The following LRP1B variants were observed in gnomAD, a reference collection of about 807,000 sequenced individuals.
LRP1B encodes LDL receptor related protein 1B, also known as low-density lipoprotein receptor-related protein 1B.
In LRP1B, 217 loss-of-function variants were observed where a neutral mutation model predicts 556.6. The ratio of observed to expected loss-of-function variants is 0.39; its 90% confidence interval spans 0.35 to 0.44. The LOEUF (loss-of-function observed/expected upper bound fraction) is 0.44. Ranked by LOEUF, LRP1B falls within the 20% of genes least tolerant of loss-of-function variation. The pLI is 1.00. For synonymous variants in LRP1B, 2,047 were observed against 1,865.8 expected (o/e 1.10, Z -2.50); for missense variants, 5,053 against 5,620.8 (o/e 0.90, Z 3.23).
chr2:140,323,853 A>T, intron 81 of LRP1B, 40 bp downstream of exon 81: 2 of 1,015,222 alleles, frequency 2.0e-6, no homozygotes, highest in Non-Finnish European at 2.9e-6. Flanking sequence ...CAAGAAAATA[A>T]TTTACCAATA....
rs143600337 is a variant in LRP1B, at chr2:140,373,101, G to A, written c.10675C>T (p.Arg3559Trp). 174 of 1,613,012 alleles carry A rather than the reference G, an allele frequency of 1.1e-4. No individual in the cohort carries two copies. Among genetic ancestry groups the A allele is most frequent in the Non-Finnish European group, 1.3e-4 (156 of 1,179,416 alleles). Reference protein sequence around the residue: ...CETSCSKDQFRCSNGQCIPAK... With the variant: ...CETSCSKDQFWCSNGQCIPAK... Reference sequence around the variant, plus strand: ...GGTATACACTGACCATTGGAACACCGGAACTGATCTTTGGAACAACTTGTC... The same window carrying A: ...GGTATACACTGACCATTGGAACACCAGAACTGATCTTTGGAACAACTTGTC... The change falls in exon 69 of 91, where the codon CGG becomes TGG. Residue 3559 changes from arginine (R) to tryptophan (W), a missense_variant. Arg to Trp is a moderately radical substitution (Grantham distance 101). Coordinates refer to ENST00000389484, the MANE Select transcript of LRP1B (RefSeq NM_018557.3).
intron 41 of LRP1B, among the ~76,000 whole-genome samples, chr2:140,672,344 C>T (rs545432416): frequency 2.6e-5 from 4 of 151,834 alleles, no homozygotes; most frequent in Non-Finnish European, 4.4e-5. Flanking sequence ...ATTAGCTGGG[C>T]GTGGTGGTGT....
intron 43 of LRP1B, among the ~76,000 whole-genome samples, chr2:140,587,844 AG>A (rs956924356): frequency 1.3e-5 from 2 of 152,182 alleles, no homozygotes; most frequent in Admixed American, 1.3e-4. Flanking sequence ...AATAGCAGCG[AG>A]GGGGAAATGA....
At chr2:140,478,453 T>C (rs1483519565) in intron 59 of LRP1B, among the ~76,000 whole-genome samples, 2 of 152,132 alleles carry the variant, frequency 1.3e-5, no homozygotes, top group African/African-American at 4.8e-5. Context: ...CAATTTAGAA[T>C]TTTAATTCTG....
chr2:141,215,764 C>G (rs1043598068), intron 6 of LRP1B, among the ~76,000 whole-genome samples: 1 of 152,174 alleles, frequency 6.6e-6, no homozygotes, highest in Non-Finnish European at 1.5e-5. Flanking sequence ...AACTTCTAAG[C>G]AGCAAAGCAT....
At chr2:141,510,650 A>G (rs1235352630) in intron 2 of LRP1B, among the ~76,000 whole-genome samples, 4 of 152,090 alleles carry the variant, frequency 2.6e-5, no homozygotes, top group South Asian at 2.1e-4. Flanking sequence ...AAGATTCTGA[A>G]GCTCACTGAA....
intron 43 of LRP1B, among the ~76,000 whole-genome samples, chr2:140,592,408 GCTTATA>G (rs1682263153): frequency 6.6e-6 from 1 of 151,460 alleles, no homozygotes; most frequent in Non-Finnish European, 1.5e-5. Context: ...TGAAATGGAT[GCTTATA>G]CTTATACTTT....
intron 23 of LRP1B, among the ~76,000 whole-genome samples, chr2:140,897,637 A>G (rs1410791907): frequency 6.6e-6 from 1 of 152,184 alleles, no homozygotes; most frequent in Non-Finnish European, 1.5e-5. Context: ...CAGCTAGGAT[A>G]AAAGCAGGCA....
intron 3 of LRP1B, among the ~76,000 whole-genome samples, chr2:141,400,588 C>T (rs1472210452): frequency 6.6e-6 from 1 of 152,178 alleles, no homozygotes; most frequent in Non-Finnish European, 1.5e-5. Context: ...ACTATTAGCT[C>T]TAAATACTGC....
At chr2:141,826,536 T>C (rs1696935241) in intron 1 of LRP1B, among the ~76,000 whole-genome samples, 2 of 151,950 alleles carry the variant, frequency 1.3e-5, no homozygotes, top group Non-Finnish European at 2.9e-5. Context: ...ACTTTTTGTA[T>C]TTTCAGTAGA....
In LRP1B at chr2:140,426,289, C is replaced by A. The variant is rs1273428247; in HGVS notation, c.10414+16215G>T. Among the ~76,000 whole-genome samples the A allele has an allele frequency of 3.9e-5, 6 of 152,218 alleles. 1 individual carries two copies. Among genetic ancestry groups the A allele is most frequent in the Admixed American group, 3.9e-4 (6 of 15,284 alleles). ...TGTAATTATTTGTACTTGGACATTA[C>A]AAAAATGGACATGGTGAATTCTGAA... On this transcript the variant is annotated intron_variant, in intron 66 of 90. Transcript: ENST00000389484.
intron 1 of LRP1B, among the ~76,000 whole-genome samples, chr2:141,852,091 CT>C (rs1176890649): frequency 6.6e-6 from 1 of 151,672 alleles, no homozygotes; most frequent in Non-Finnish European, 1.5e-5. Context: ...ATAAATTCAT[CT>C]TTTAAAAACG....
intron 3 of LRP1B, among the ~76,000 whole-genome samples, chr2:141,278,547 A>G (rs1054558290): frequency 6.6e-6 from 1 of 152,112 alleles, no homozygotes; most frequent in Non-Finnish European, 1.5e-5. Flanking sequence ...GAATTTCCTA[A>G]GGCTATAATC....
In LRP1B at chr2:141,428,511, G is replaced by T. The variant is rs550788388; in HGVS notation, c.343+51885C>A. Among the ~76,000 whole-genome samples the T allele has an allele frequency of 9.2e-5, 14 of 152,302 alleles. No homozygotes were observed. In the East Asian group the frequency reaches 2.5e-3, roughly 27 times the overall value. ...AAGTCATATGTGACAGTTAAGTGAT[G>T]TACATCTTTCACCCCATCACATGTA... On this transcript the variant is annotated intron_variant, in intron 3 of 90. Coordinates refer to ENST00000389484, the MANE Select transcript of LRP1B (RefSeq NM_018557.3).
intron 86 of LRP1B, among the ~76,000 whole-genome samples, chr2:140,253,032 C>T (rs1382727971): frequency 2.0e-5 from 3 of 152,008 alleles, no homozygotes; most frequent in African/African-American, 7.2e-5. Context: ...CCAAATTTGA[C>T]TGTTAATGTT....
At position 140,989,633 on chromosome 2, in the gene LRP1B, T is replaced by A. The variant is rs753012434; in HGVS notation, c.2669A>T (p.Gln890Leu). The stretch of plus-strand genomic sequence containing the variant: ...GCAGCGATTATTCTGGCATTTAAAC[T>A]GATCATCAGGACAGCTATGATTGAC... ...NCFNHSCPDD[Q>L]FKCQNNRCIP... The change falls in exon 17 of 91, where the codon CAG (glutamine) becomes CTG (leucine). Residue 890 changes from glutamine to leucine, a missense_variant. Gln to Leu is a moderately radical substitution (Grantham distance 113). Transcript: ENST00000389484. The A allele has an allele frequency of 2.5e-6, 4 of 1,613,114 alleles. No individual in the cohort carries two copies. In the South Asian group the frequency reaches 4.4e-5, roughly 18 times the overall value.
chr2:140,337,454 A>G (rs1165842727), intron 77 of LRP1B, among the ~76,000 whole-genome samples: 1 of 151,834 alleles, frequency 6.6e-6, no homozygotes, highest in Admixed American at 6.6e-5. Context: ...CCAAAAAATC[A>G]TTTTCAAATG....
intron 11 of LRP1B, among the ~76,000 whole-genome samples, chr2:141,036,925 G>A (rs985253729): frequency 6.6e-6 from 1 of 151,988 alleles, no homozygotes; most frequent in African/African-American, 2.4e-5. Context: ...AACTCCCCTA[G>A]ATATAAGGCA....
intron 15 of LRP1B, among the ~76,000 whole-genome samples, chr2:140,994,389 ATGTGTG>A (rs3061707): frequency 6.1e-5 from 9 of 147,180 alleles, no homozygotes; most frequent in Middle Eastern, 3.5e-3. Flanking sequence ...GTAGGTAAGG[ATGTGTG>A]TGTGTGTGTG....
Sources: allele counts gnomAD v4.1 joint callset (sites outside exome capture counted in the v4.1 genomes callset), GRCh38; gene constraint gnomAD v4.1.1; transcripts MANE v1.5; gene names NCBI Gene and HGNC (gene_info 2026-07-23, HGNC 2026-07-21).